Variants in EXOSC7 observed in about 807,000 individuals in gnomAD.
The protein encoded by EXOSC7 is exosome component 7.
In EXOSC7, 25 loss-of-function variants were observed where a neutral mutation model predicts 34.3. That is an observed-to-expected ratio of 0.73 (90% CI 0.53 to 1.02). EXOSC7 has a LOEUF of 1.02. Ranked by LOEUF, EXOSC7 falls within the 50% of genes least tolerant of loss-of-function variation. The pLI is 0.00. For synonymous variants in EXOSC7, 130 were observed against 143.0 expected (o/e 0.91, Z 0.65); for missense variants, 370 against 368.5 (o/e 1.00, Z -0.03).
intron 1 of EXOSC7, among the ~76,000 whole-genome samples, chr3:44,981,540 T>G (rs571808758): frequency 4.6e-5 from 7 of 152,222 alleles, no homozygotes; most frequent in African/African-American, 1.4e-4. Context: ...GCCTTCATAG[T>G]GACCTCATTA....
intron 1 of EXOSC7, among the ~76,000 whole-genome samples, chr3:44,988,687 G>T (rs1002098850): frequency 6.6e-6 from 1 of 152,206 alleles, no homozygotes; most frequent in Non-Finnish European, 1.5e-5. Flanking sequence ...TTACACAGTA[G>T]ATCTTGTTGA....
intron 1 of EXOSC7, among the ~76,000 whole-genome samples, chr3:44,985,532 C>G (rs1035005075): frequency 6.6e-6 from 1 of 151,812 alleles, no homozygotes; most frequent in Non-Finnish European, 1.5e-5. Flanking sequence ...TGTTACAGCT[C>G]TTAAGGCGGC....
intron 1 of EXOSC7, among the ~76,000 whole-genome samples, chr3:44,988,127 C>T (rs1195730165): frequency 1.3e-5 from 2 of 152,148 alleles, no homozygotes; most frequent in Non-Finnish European, 2.9e-5. Flanking sequence ...ACCAGGGCTC[C>T]TTGGAGAAAG....
intron 3 of EXOSC7, among the ~76,000 whole-genome samples, 173 bp from the exon 4 acceptor site, chr3:44,996,914 A>G (rs999469840): frequency 1.3e-5 from 2 of 152,212 alleles, no homozygotes; most frequent in Non-Finnish European, 2.9e-5. Flanking sequence ...GGTTCATTAC[A>G]TGTGTCTGGA....
chr3:44,982,459 G>A (rs975464297), intron 1 of EXOSC7, among the ~76,000 whole-genome samples: 5 of 152,180 alleles, frequency 3.3e-5, no homozygotes, highest in African/African-American at 9.7e-5. Context: ...GTTCAGACCT[G>A]GCCATGGCAA....
intron 1 of EXOSC7, among the ~76,000 whole-genome samples, chr3:44,986,153 G>A (rs964359695): frequency 9.9e-5 from 15 of 151,282 alleles, no homozygotes; most frequent in African/African-American, 2.4e-4. Context: ...GGGACTGGGC[G>A]CCGTGGAGCA....
intron 1 of EXOSC7, among the ~76,000 whole-genome samples, chr3:44,986,998 G>GA (rs1356565723): frequency 6.6e-6 from 1 of 150,656 alleles, no homozygotes; most frequent in Non-Finnish European, 1.5e-5. Flanking sequence ...TTCTTTTTCT[G>GA]AAAAAAACTG....
At chr3:45,006,597 T>C (rs945011142) in intron 6 of EXOSC7, among the ~76,000 whole-genome samples, 135 of 149,872 alleles carry the variant, frequency 9.0e-4, no homozygotes, top group East Asian at 3.4e-3. Flanking sequence ...TTTGTATTTT[T>C]AGTAGAGACG....
chr3:44,987,547 G>A (rs774431828), intron 1 of EXOSC7, among the ~76,000 whole-genome samples: 1 of 152,146 alleles, frequency 6.6e-6, no homozygotes, highest in Admixed American at 6.5e-5. Flanking sequence ...CAGCCTGGGC[G>A]ACAGAGCCAT....
At chr3:44,999,486 C>T (rs550606146) in intron 4 of EXOSC7, among the ~76,000 whole-genome samples, 75 of 152,144 alleles carry the variant, frequency 4.9e-4, no homozygotes, top group African/African-American at 1.7e-3. Context: ...GTCAGGAGTT[C>T]GAGACCAGCC....
rs1706744054 is a variant in EXOSC7, at chr3:44,997,154, AC to A, written c.325del (p.Leu109SerfsTer13). The A allele has an allele frequency of 6.2e-7, 1 of 1,613,980 alleles. No individual in the cohort carries two copies. Among genetic ancestry groups the A allele is most frequent in the Non-Finnish European group, 8.5e-7 (1 of 1,179,978 alleles). Reference sequence around the variant, plus strand: ...TGACCTTGGCACCGAGATCGCTAACACCCTCTATCGGATATTTAACAATAAA... The same window carrying A: ...TGACCTTGGCACCGAGATCGCTAACACCTCTATCGGATATTTAACAATAAA... ...GDDLGTEIANTLYRIFNNKSS... is the reference protein window; with the variant it reads ...GDDLGTEIANXLYRIFNNKSS... On this transcript the variant is annotated frameshift_variant, in exon 4 of 8. Transcript: ENST00000265564. LOFTEE classifies it high-confidence loss of function.
At chr3:44,999,830 G>A (rs1706826572) in intron 4 of EXOSC7, among the ~76,000 whole-genome samples, 2 of 152,236 alleles carry the variant, frequency 1.3e-5, no homozygotes, top group African/African-American at 4.8e-5. Context: ...ATACTGAATA[G>A]ATTGAGTCCA....
intron 1 of EXOSC7, among the ~76,000 whole-genome samples, chr3:44,978,811 A>G (rs535084418): frequency 6.6e-6 from 1 of 152,314 alleles, no homozygotes; most frequent in East Asian, 1.9e-4. Flanking sequence ...GAGGTCTTAG[A>G]GGTTCAGTCA....
intron 1 of EXOSC7, among the ~76,000 whole-genome samples, chr3:44,984,697 T>C (rs1706360851): frequency 6.6e-6 from 1 of 152,260 alleles, no homozygotes; most frequent in African/African-American, 2.4e-5. Flanking sequence ...ACCTCAGTTT[T>C]CTCATTTGTA....
In EXOSC7 at chr3:44,979,301, A is replaced by G. The variant is rs529969472; in HGVS notation, c.57+2967A>G. On this transcript the variant is annotated intron_variant, in intron 1 of 7. Transcript: ENST00000265564. ...GTGCACCTTAAGCAGTGCCTGCCTG[A>G]ACTCCTGTTGCTTGTATAGTCCTAG... Among the ~76,000 whole-genome samples, 82 of 152,310 alleles carry G rather than the reference A, an allele frequency of 5.4e-4. No homozygotes were observed. The South Asian group carries it at 0.016, about 30-fold the overall frequency.
Position 44,989,244 on chromosome 3 carries a change from G to A in EXOSC7, c.159+3G>A. ...GTGGGTCCGCCAGGGTCAAGCTGGTGAGTACTGTGACCATGGTTCAAGCCC... is the reference window on the plus strand; with the variant it reads ...GTGGGTCCGCCAGGGTCAAGCTGGTAAGTACTGTGACCATGGTTCAAGCCC... On this transcript the variant is annotated splice_donor_region_variant and intron_variant, in intron 2 of 7. Transcript: ENST00000265564. The A allele has an allele frequency of 3.1e-6, 5 of 1,607,108 alleles. No individual in the cohort carries two copies. The highest frequency in any genetic ancestry group is 4.3e-6 in the Non-Finnish European group (5 of 1,173,646).
chr3:44,986,846 C>G (rs1706432909), intron 1 of EXOSC7, among the ~76,000 whole-genome samples: 1 of 152,064 alleles, frequency 6.6e-6, no homozygotes, highest in Non-Finnish European at 1.5e-5. Context: ...TGTTTAATTT[C>G]TCAAAAAAGT....
intron 1 of EXOSC7, among the ~76,000 whole-genome samples, chr3:44,980,462 T>C (rs1706242883): frequency 6.6e-6 from 1 of 152,236 alleles, no homozygotes. Context: ...GATGAGGAAC[T>C]GAGCTCGGGC....
At chr3:44,976,463 C>A (rs1706031088) in intron 1 of EXOSC7, 129 bp downstream of exon 1, 2 of 809,174 alleles carry the variant, frequency 2.5e-6, no homozygotes, top group African/African-American at 1.9e-5. Context: ...TGTGATTAAA[C>A]GGTTCTGCTG....
Sources: allele counts gnomAD v4.1 joint callset (sites outside exome capture counted in the v4.1 genomes callset), GRCh38; gene constraint gnomAD v4.1.1; transcripts MANE v1.5; gene names NCBI Gene and HGNC (gene_info 2026-07-23, HGNC 2026-07-21).